SLC2A9: variants seen among roughly 807,000 people sequenced by gnomAD.
SLC2A9 encodes the protein solute carrier family 2, facilitated glucose transporter member 9.
Under a neutral mutation model 50.6 loss-of-function variants are expected in SLC2A9, and 39 were observed. The observed-to-expected ratio is 0.77, with a 90% CI of 0.60 to 1.01. The LOEUF (loss-of-function observed/expected upper bound fraction) is 1.01, where lower values mean the gene tolerates loss of function less well. SLC2A9 is among the 50% of genes least tolerant of loss of function. The pLI, the probability that SLC2A9 is intolerant of heterozygous loss-of-function variation, is 0.00. For missense variants in SLC2A9, 686 were observed against 677.6 expected (o/e 1.01, Z -0.14); for synonymous variants, 324 against 276.9 (o/e 1.17, Z -1.69).
intron 3 of SLC2A9, among the ~76,000 whole-genome samples, chr4:9,791,494 T>C (rs1428133872): frequency 6.6e-6 from 1 of 152,204 alleles, no homozygotes; most frequent in Non-Finnish European, 1.5e-5. Flanking sequence ...TAGTTGATGC[T>C]GAAGGGGGAG....
At chr4:9,918,912 G>C (rs1743390645) in intron 7 of SLC2A9, among the ~76,000 whole-genome samples, 1 of 152,196 alleles carries the variant, frequency 6.6e-6, no homozygotes, top group South Asian at 2.1e-4. Context: ...TGCTGGCTTT[G>C]GGAGCAGCTG....
intron 5 of SLC2A9, among the ~76,000 whole-genome samples, chr4:9,956,593 C>T (rs112345316): frequency 5.9e-5 from 9 of 152,180 alleles, no homozygotes; most frequent in Non-Finnish European, 1.0e-4. Context: ...TTACCAGCGG[C>T]GTTCACATAG....
At chr4:9,926,073 C>T (rs988483169) in intron 6 of SLC2A9, among the ~76,000 whole-genome samples, 3 of 152,012 alleles carry the variant, frequency 2.0e-5, no homozygotes, top group Admixed American at 1.3e-4. Flanking sequence ...AGCACAGGTG[C>T]CATCCTGGCC....
At chr4:9,807,044 G>C (rs528429302) in intron 3 of SLC2A9, among the ~76,000 whole-genome samples, 12 of 152,234 alleles carry the variant, frequency 7.9e-5, no homozygotes, top group Admixed American at 6.5e-4. Context: ...TTGGGGTCTG[G>C]GTACAGAAAA....
At chr4:9,851,084 C>T (rs1417668021) in intron 10 of SLC2A9, among the ~76,000 whole-genome samples, 1 of 152,182 alleles carries the variant, frequency 6.6e-6, no homozygotes, top group Non-Finnish European at 1.5e-5. Context: ...AGGCAATGCA[C>T]GTGCACCCCA....
At position 9,925,894 on chromosome 4, in the gene SLC2A9, C is replaced by T. The variant is rs556123709; in HGVS notation, c.815-5322G>A. ...CTGTTCGGTGTTCTCCCTACTGTTC[C>T]GGGCATGGTGTGATTTTCCAATGGC... On this transcript the variant is annotated intron_variant, in intron 6 of 11. Coordinates refer to ENST00000264784, the MANE Select transcript of SLC2A9 (RefSeq NM_020041.3). Among the ~76,000 whole-genome samples the T allele has an allele frequency of 3.3e-5, 5 of 152,234 alleles. No homozygotes were observed. The East Asian group carries it at 9.7e-4, about 29-fold the overall frequency.
chr4:9,924,869 G>A (rs1744609646), intron 6 of SLC2A9, among the ~76,000 whole-genome samples: 1 of 152,150 alleles, frequency 6.6e-6, no homozygotes, highest in Non-Finnish European at 1.5e-5. Context: ...TACAGTCCAT[G>A]TGCTCCTCTC....
At chr4:9,911,064 G>T (rs1577844974) in intron 7 of SLC2A9, among the ~76,000 whole-genome samples, 1 of 151,836 alleles carries the variant, frequency 6.6e-6, no homozygotes, top group Non-Finnish European at 1.5e-5. Flanking sequence ...CAGGTTGATG[G>T]GTGCAGCAAA....
chr4:9,844,507 T>C (rs574427973), intron 10 of SLC2A9, among the ~76,000 whole-genome samples: 20 of 152,338 alleles, frequency 1.3e-4, no homozygotes, highest in African/African-American at 3.8e-4. Flanking sequence ...TTCCCCCTCA[T>C]TGGTAAATTC....
chr4:9,887,873 A>G (rs1397748259), intron 9 of SLC2A9, among the ~76,000 whole-genome samples: 1 of 152,192 alleles, frequency 6.6e-6, no homozygotes, highest in African/African-American at 2.4e-5. Flanking sequence ...GATGAGTTTG[A>G]CATAGTCCTG....
chr4:9,999,782 C>T (rs1476665809), intron 2 of SLC2A9, among the ~76,000 whole-genome samples: 1 of 152,108 alleles, frequency 6.6e-6, no homozygotes, highest in Admixed American at 6.6e-5. Flanking sequence ...CAGAGGATCC[C>T]TCTGGCAAGT....
intron 10 of SLC2A9, among the ~76,000 whole-genome samples, chr4:9,848,616 G>T (rs1261029793): frequency 6.6e-6 from 1 of 152,040 alleles, no homozygotes; most frequent in Non-Finnish European, 1.5e-5. Context: ...TGTCTCTTGG[G>T]TGCTTGACAG....
At chr4:9,995,238 T>A (rs1758438931) in intron 3 of SLC2A9, among the ~76,000 whole-genome samples, 1 of 152,128 alleles carries the variant, frequency 6.6e-6, no homozygotes, top group African/African-American at 2.4e-5. Flanking sequence ...GACAATGGCA[T>A]CTCTCACTAC....
chr4:9,888,455 G>A (rs1037483677), intron 9 of SLC2A9, among the ~76,000 whole-genome samples: 2 of 151,952 alleles, frequency 1.3e-5, no homozygotes, highest in Admixed American at 1.3e-4. Flanking sequence ...GTCTGGAGAA[G>A]CTGTCACTCA....
intron 10 of SLC2A9, among the ~76,000 whole-genome samples, chr4:9,871,776 T>G (rs1733476644): frequency 6.6e-6 from 1 of 152,204 alleles, no homozygotes; most frequent in South Asian, 2.1e-4. Flanking sequence ...CCCACTGACT[T>G]CAGGGGCACC....
At chr4:9,835,361 C>G (rs981487618) in intron 10 of SLC2A9, among the ~76,000 whole-genome samples, 1 of 152,134 alleles carries the variant, frequency 6.6e-6, no homozygotes, top group African/African-American at 2.4e-5. Flanking sequence ...CCAGTGATCA[C>G]GCCCTGTGCC....
chr4:9,827,973 G>A (rs2109087763), intron 11 of SLC2A9, among the ~76,000 whole-genome samples: 1 of 152,212 alleles, frequency 6.6e-6, no homozygotes, highest in South Asian at 2.1e-4. Flanking sequence ...ACATTGTTTT[G>A]AAGATGAAAT....
At chr4:9,808,366 C>A (rs562882718) in intron 3 of SLC2A9, among the ~76,000 whole-genome samples, 16 of 152,252 alleles carry the variant, frequency 1.1e-4, no homozygotes, top group African/African-American at 3.6e-4. Context: ...CTTGAAAGTG[C>A]GGGTTCTGCT....
In SLC2A9 at chr4:9,826,378, A is replaced by G. The variant is rs1341041451; in HGVS notation, c.*19T>C. 1.2e-6 allele frequency: 2 copies of G among 1,612,768 alleles called. No individual in the cohort carries two copies. The highest frequency in any genetic ancestry group is 1.3e-5 in the African/African-American group (1 of 74,908). On this transcript the variant is annotated 3_prime_UTR_variant, in exon 12 of 12. Coordinates refer to ENST00000264784, the MANE Select transcript of SLC2A9 (RefSeq NM_020041.3). ...ATCCTGTTTTTGACATAATTGTCCA[A>G]CGTGGAGGAGGAAACTTGTTAAGGC... is the stretch of plus-strand genomic sequence containing the variant.
Sources: allele counts gnomAD v4.1 joint callset (sites outside exome capture counted in the v4.1 genomes callset), GRCh38; gene constraint gnomAD v4.1.1; transcripts MANE v1.5; gene names NCBI Gene and HGNC (gene_info 2026-07-23, HGNC 2026-07-21).